LRRTM4: variants seen among roughly 807,000 people sequenced by gnomAD.
LRRTM4 encodes the protein leucine-rich repeat transmembrane neuronal protein 4.
In LRRTM4, 25 loss-of-function variants were observed where a neutral mutation model predicts 47.6. The observed-to-expected ratio is 0.53, with a 90% CI of 0.38 to 0.73. The LOEUF (loss-of-function observed/expected upper bound fraction) is 0.73. Ranked by LOEUF, LRRTM4 falls within the 30% of genes least tolerant of loss-of-function variation. LRRTM4 has a pLI of 0.00. For synonymous variants in LRRTM4, 311 were observed against 269.5 expected (o/e 1.15, Z -1.51); for missense variants, 638 against 713.4 (o/e 0.89, Z 1.20).
intron 3 of LRRTM4, among the ~76,000 whole-genome samples, chr2:77,484,054 A>C (rs2204915): frequency 0.58 from 87,831 of 152,060 alleles, 25,805 homozygotes; most frequent in Middle Eastern, 0.66. Flanking sequence ...ACCATTAGAT[A>C]AAGGCATAGT....
chr2:77,104,581 T>C (rs1671042250), intron 3 of LRRTM4, among the ~76,000 whole-genome samples: 1 of 151,940 alleles, frequency 6.6e-6, no homozygotes, highest in Non-Finnish European at 1.5e-5. Context: ...GATCAGATGG[T>C]GAAAAAATAC....
intron 3 of LRRTM4, among the ~76,000 whole-genome samples, chr2:76,840,024 T>C (rs904976067): frequency 1.3e-5 from 2 of 152,154 alleles, no homozygotes; most frequent in Admixed American, 1.3e-4. Flanking sequence ...GACCCCCTGC[T>C]GCCTAAATAC....
chr2:77,157,459 A>C (rs1672590019), intron 3 of LRRTM4, among the ~76,000 whole-genome samples: 1 of 152,198 alleles, frequency 6.6e-6, no homozygotes, highest in Non-Finnish European at 1.5e-5. Context: ...TTGATTATGG[A>C]CTTGTTTTTC....
At chr2:77,043,556 G>C (rs774885286) in intron 3 of LRRTM4, among the ~76,000 whole-genome samples, 1 of 151,734 alleles carries the variant, frequency 6.6e-6, no homozygotes, top group Non-Finnish European at 1.5e-5. Context: ...CTGAATTTAA[G>C]TTATAATCAA....
At chr2:77,264,947 AT>A (rs1200450362) in intron 3 of LRRTM4, among the ~76,000 whole-genome samples, 1 of 152,060 alleles carries the variant, frequency 6.6e-6, no homozygotes, top group Non-Finnish European at 1.5e-5. Context: ...TAGCAGTGTC[AT>A]TTTTATTTGT....
intron 3 of LRRTM4, among the ~76,000 whole-genome samples, chr2:76,866,948 C>A (rs1573231262): frequency 6.6e-6 from 1 of 152,192 alleles, no homozygotes; most frequent in South Asian, 2.1e-4. Flanking sequence ...AAACTATCAT[C>A]CTCAGCAAAG....
At chr2:77,193,728 G>C (rs1298727641) in intron 3 of LRRTM4, among the ~76,000 whole-genome samples, 1 of 152,144 alleles carries the variant, frequency 6.6e-6, no homozygotes, top group East Asian at 1.9e-4. Context: ...TTGAAGCCAG[G>C]AGGCGGGCAT....
Position 76,920,580 on chromosome 2 carries a change from T to G in LRRTM4, c.1552-171664A>C, listed in dbSNP as rs150971682. 5.3e-3 allele frequency among the ~76,000 whole-genome samples: 809 copies of G among 152,214 alleles called. 4 individuals are homozygous for G. Among genetic ancestry groups the G allele is most frequent in the Middle Eastern group, 0.01 (3 of 294 alleles). On this transcript the variant is annotated intron_variant, in intron 3 of 3. Transcript: ENST00000409884. Reference sequence around the variant, plus strand: ...TGTAGGGCTTAATGACATTCAAAGGTTGTCAACTTGATTTATTTGTAATTT... The same window carrying G: ...TGTAGGGCTTAATGACATTCAAAGGGTGTCAACTTGATTTATTTGTAATTT...
At chr2:77,416,947 A>C (rs536685721) in intron 3 of LRRTM4, among the ~76,000 whole-genome samples, 3 of 152,170 alleles carry the variant, frequency 2.0e-5, no homozygotes, top group East Asian at 3.9e-4. Context: ...ACCATCAGAG[A>C]GAACAGGCAA....
intron 3 of LRRTM4, among the ~76,000 whole-genome samples, chr2:76,924,036 T>C (rs1674513428): frequency 1.3e-5 from 2 of 152,078 alleles, no homozygotes; most frequent in South Asian, 2.1e-4. Flanking sequence ...GGAAGCTCTA[T>C]TGGGAATATG....
intron 3 of LRRTM4, among the ~76,000 whole-genome samples, chr2:76,898,800 TAGAG>T (rs1245999180): frequency 3.3e-5 from 5 of 150,948 alleles, no homozygotes. Flanking sequence ...TTATATATAA[TAGAG>T]ATTTTATATT....
At chr2:76,934,505 A>G (rs1674875729) in intron 3 of LRRTM4, among the ~76,000 whole-genome samples, 1 of 152,178 alleles carries the variant, frequency 6.6e-6, no homozygotes. Context: ...CTTCAATTTA[A>G]TGGTGTGCTG....
At chr2:77,190,137 G>C (rs1248663079) in intron 3 of LRRTM4, among the ~76,000 whole-genome samples, 3 of 151,380 alleles carry the variant, frequency 2.0e-5, no homozygotes, top group African/African-American at 7.3e-5. Flanking sequence ...TTTTCTTTTT[G>C]GGTCTAGTTT....
intron 3 of LRRTM4, among the ~76,000 whole-genome samples, chr2:77,380,896 T>C (rs1034011347): frequency 1.3e-5 from 2 of 152,056 alleles, no homozygotes; most frequent in Admixed American, 6.6e-5. Context: ...AAATGAGATA[T>C]ATCATATTTT....
chr2:76,851,472 A>G (rs1184993442), intron 3 of LRRTM4, among the ~76,000 whole-genome samples: 1 of 152,122 alleles, frequency 6.6e-6, no homozygotes, highest in East Asian at 1.9e-4. Context: ...GAGTTACCTA[A>G]AAGATCTAAA....
At chr2:76,999,368 G>A (rs1323945662) in intron 3 of LRRTM4, among the ~76,000 whole-genome samples, 1 of 151,418 alleles carries the variant, frequency 6.6e-6, no homozygotes, top group Non-Finnish European at 1.5e-5. Flanking sequence ...TGATGGCTGT[G>A]ACTTAAGACT....
chr2:76,972,117 C>G (rs1224479658), intron 3 of LRRTM4, among the ~76,000 whole-genome samples: 3 of 152,000 alleles, frequency 2.0e-5, no homozygotes, highest in African/African-American at 4.8e-5. Context: ...CTCAGTCATT[C>G]TCAACTGACA....
At chr2:77,238,122 TA>T (rs1272267982) in intron 3 of LRRTM4, among the ~76,000 whole-genome samples, 2 of 152,020 alleles carry the variant, frequency 1.3e-5, no homozygotes, top group Non-Finnish European at 1.5e-5. Flanking sequence ...TTTTTTAAAA[TA>T]AAAAATAAGT....
intron 3 of LRRTM4, among the ~76,000 whole-genome samples, chr2:76,752,289 T>G (rs957870): frequency 0.39 from 58,980 of 151,988 alleles, 11,846 homozygotes; most frequent in Middle Eastern, 0.46. Flanking sequence ...TAGTGGGAGA[T>G]AACAATTTCA....
Sources: gnomAD v4.1 joint callset for allele counts (sites outside exome capture counted in the v4.1 genomes callset) on GRCh38, gnomAD v4.1.1 for gene constraint, MANE v1.5 for transcripts, NCBI Gene and HGNC (gene_info 2026-07-23, HGNC 2026-07-21) for gene names.